Variants in PALM2AKAP2 observed in about 807,000 individuals in gnomAD.
PALM2AKAP2 encodes the protein PALM2-AKAP2 fusion protein.
PALM2AKAP2 carries 37 observed loss-of-function variants against 71.5 expected under a neutral mutation model. That is an observed-to-expected ratio of 0.52 (90% confidence interval 0.40 to 0.68). The LOEUF (loss-of-function observed/expected upper bound fraction) is 0.68, where lower values mean the gene tolerates loss of function less well. Among genes scored for constraint, PALM2AKAP2 ranks in the 30% least tolerant of loss-of-function variants. PALM2AKAP2 has a pLI of 0.00. For missense variants in PALM2AKAP2, 1,224 were observed against 1,191.8 expected, an observed-to-expected ratio of 1.03 and a Z score of -0.40; for synonymous variants, 468 against 478.8, an observed-to-expected ratio of 0.98 and a Z score of 0.29.
chr9:110,026,691 A>C (rs1321440438), intron 7 of PALM2AKAP2, among the ~76,000 whole-genome samples: 1 of 152,284 alleles, frequency 6.6e-6, no homozygotes, highest in East Asian at 1.9e-4. Flanking sequence ...TTACACCTAA[A>C]ATGTATTACT....
At chr9:109,876,272 A>G (rs1239266535) in intron 2 of PALM2AKAP2, among the ~76,000 whole-genome samples, 1 of 152,166 alleles carries the variant, frequency 6.6e-6, no homozygotes, top group Non-Finnish European at 1.5e-5. Context: ...AGTATACACC[A>G]TTCCATTTGG....
chr9:109,774,783 G>A (rs1190097802), intron 1 of PALM2AKAP2, among the ~76,000 whole-genome samples: 4 of 152,112 alleles, frequency 2.6e-5, no homozygotes, highest in Non-Finnish European at 5.9e-5. Context: ...CATTTCCAGA[G>A]CACCTACCAT....
chr9:109,986,553 C>T (rs560132283), intron 6 of PALM2AKAP2, among the ~76,000 whole-genome samples: 30 of 152,318 alleles, frequency 2.0e-4, no homozygotes, highest in Non-Finnish European at 3.8e-4. Context: ...TTCAGTGCTA[C>T]GGCTTCTCTG....
chr9:110,074,809 C>T (rs1046169107), intron 1 of PALM2AKAP2, among the ~76,000 whole-genome samples: 4 of 151,950 alleles, frequency 2.6e-5, no homozygotes, highest in African/African-American at 7.3e-5. Context: ...TCGAGACCAG[C>T]CTGGCCAACA....
rs555345216 is a variant in PALM2AKAP2 at position 109,854,164 on chromosome 9, G to T, written c.46-13327G>T. ...CCTTGTTCCCTGCTGAACCACCAGGGTCACTACCAGCAGATCAGAGCCACT... is the reference window on the plus strand; with the variant it reads ...CCTTGTTCCCTGCTGAACCACCAGGTTCACTACCAGCAGATCAGAGCCACT... On this transcript the variant is annotated intron_variant, in intron 1 of 9. Transcript: ENST00000302798. Among the ~76,000 whole-genome samples, 27 of 152,254 alleles carry T rather than the reference G, an allele frequency of 1.8e-4. No individual in the cohort carries two copies. The South Asian group carries it at 5.4e-3, about 30-fold the overall frequency.
intron 6 of PALM2AKAP2, among the ~76,000 whole-genome samples, chr9:110,003,590 A>T (rs1832722098): frequency 6.6e-6 from 1 of 151,780 alleles, no homozygotes. Context: ...ATCCTTGTTA[A>T]CTTTCTGTCT....
intron 6 of PALM2AKAP2, among the ~76,000 whole-genome samples, chr9:109,998,816 A>C (rs927633187): frequency 6.6e-6 from 1 of 151,148 alleles, no homozygotes; most frequent in South Asian, 2.1e-4. Flanking sequence ...CCCAATGTGC[A>C]TGACCTTGTG....
intron 6 of PALM2AKAP2, among the ~76,000 whole-genome samples, chr9:109,996,241 A>G (rs1273330905): frequency 2.6e-5 from 4 of 152,238 alleles, no homozygotes; most frequent in Non-Finnish European, 5.9e-5. Flanking sequence ...TAAGGGTGGC[A>G]AACTTAATCA....
In PALM2AKAP2 at chr9:110,015,936, T is replaced by C; in HGVS notation, c.497-18T>C. ...CTGAATGACTTGGCTCAAATGGCAC[T>C]TCTTTTTTTTCTTTCAGGAGTCGGG... On this transcript the variant is annotated intron_variant, in intron 6 of 9. Coordinates refer to the PALM2AKAP2 transcript ENST00000302798. 3 of 1,611,398 alleles carry C rather than the reference T, an allele frequency of 1.9e-6. No homozygotes were observed. The highest frequency in any genetic ancestry group is 2.5e-6 in the Non-Finnish European group (3 of 1,178,352).
intron 1 of PALM2AKAP2, among the ~76,000 whole-genome samples, chr9:110,106,389 G>A (rs1402038602): frequency 2.0e-5 from 3 of 152,176 alleles, no homozygotes; most frequent in Admixed American, 6.5e-5. Context: ...GAAGAGCAGC[G>A]TCTAAATATG....
chr9:109,693,124 T>C (rs1039656421), intron 1 of PALM2AKAP2, among the ~76,000 whole-genome samples: 3 of 152,010 alleles, frequency 2.0e-5, no homozygotes, highest in Admixed American at 2.0e-4. Flanking sequence ...TTTGTGAGAA[T>C]GTTTCCAATG....
At chr9:110,123,379 C>T (rs1472944805) in intron 1 of PALM2AKAP2, among the ~76,000 whole-genome samples, 1 of 152,114 alleles carries the variant, frequency 6.6e-6, no homozygotes, top group African/African-American at 2.4e-5. Context: ...AGTTGTGTTC[C>T]CTCTATGCAC....
chr9:109,788,273 A>G (rs1827019297), intron 1 of PALM2AKAP2, among the ~76,000 whole-genome samples: 1 of 152,164 alleles, frequency 6.6e-6, no homozygotes, highest in African/African-American at 2.4e-5. Flanking sequence ...CCCAAGCCTA[A>G]CTCATGTCAG....
At chr9:109,991,377 C>T (rs1832478707) in intron 6 of PALM2AKAP2, among the ~76,000 whole-genome samples, 1 of 151,966 alleles carries the variant, frequency 6.6e-6, no homozygotes, top group Non-Finnish European at 1.5e-5. Context: ...GCTGGGACTA[C>T]AGGCAAGCAC....
intron 3 of PALM2AKAP2, among the ~76,000 whole-genome samples, chr9:109,898,740 A>G (rs2131841475): frequency 6.6e-6 from 1 of 152,266 alleles, no homozygotes. Context: ...CTTCTGCACT[A>G]ACTCTCCCTT....
chr9:110,042,187 G>A (rs930228428), intron 7 of PALM2AKAP2, among the ~76,000 whole-genome samples: 1 of 152,210 alleles, frequency 6.6e-6, no homozygotes, highest in African/African-American at 2.4e-5. Context: ...AGCACTTTGG[G>A]AGGCCGAAGC....
At chr9:109,786,233 T>C (rs543134121) in intron 1 of PALM2AKAP2, among the ~76,000 whole-genome samples, 2 of 152,366 alleles carry the variant, frequency 1.3e-5, no homozygotes, top group South Asian at 4.1e-4. Flanking sequence ...TCCAGGCCTT[T>C]TAGGCCGACC....
chr9:109,780,728 T>C (rs1415942740), intron 1 of PALM2AKAP2, among the ~76,000 whole-genome samples, 195 bp downstream of exon 1: 1 of 152,078 alleles, frequency 6.6e-6, no homozygotes, highest in Non-Finnish European at 1.5e-5. Flanking sequence ...GGGCGCGCTT[T>C]GGACTGAGGA....
chr9:109,841,937 G>A (rs1223268026), intron 1 of PALM2AKAP2, among the ~76,000 whole-genome samples: 1 of 139,198 alleles, frequency 7.2e-6, no homozygotes, highest in Non-Finnish European at 1.6e-5. Context: ...TAGAGGGGAG[G>A]GTGGAAGGAA....
Sources: gnomAD v4.1 joint callset for allele counts (sites outside exome capture counted in the v4.1 genomes callset) on GRCh38, gnomAD v4.1.1 for gene constraint, MANE v1.5 for transcripts, NCBI Gene and HGNC (gene_info 2026-07-23, HGNC 2026-07-21) for gene names.